The following PTPRO variants were observed in gnomAD, a reference collection of about 807,000 sequenced individuals.
The protein encoded by PTPRO is protein tyrosine phosphatase receptor type O, also known as receptor-type tyrosine-protein phosphatase O.
PTPRO carries 62 observed loss-of-function variants against 145.2 expected under a neutral mutation model. That is an observed-to-expected ratio of 0.43 (90% CI 0.35 to 0.53). The LOEUF (loss-of-function observed/expected upper bound fraction) is 0.53, where lower values mean the gene tolerates loss of function less well. PTPRO is among the 20% of genes least tolerant of loss of function. PTPRO has a pLI of 0.01. For synonymous variants in PTPRO, 565 were observed against 514.7 expected (o/e 1.10, Z -1.32); for missense variants, 1,345 against 1,482.7 (o/e 0.91, Z 1.53).
At chr12:15,490,226 T>C (rs1176415434) in intron 2 of PTPRO, among the ~76,000 whole-genome samples, 1 of 152,228 alleles carries the variant, frequency 6.6e-6, no homozygotes, top group Non-Finnish European at 1.5e-5. Context: ...ATCATATGTA[T>C]AGCCTTAGGC....
At chr12:15,586,824 A>C in intron 23 of PTPRO, 73 bp from the exon 24 acceptor site, 9 of 1,571,076 alleles carry the variant, frequency 5.7e-6, no homozygotes, top group Non-Finnish European at 7.9e-6. Context: ...TGCATGCTTA[A>C]CTAGCAGAGT....
At chr12:15,517,782 C>T (rs1942630051) in intron 9 of PTPRO, among the ~76,000 whole-genome samples, 1 of 152,214 alleles carries the variant, frequency 6.6e-6, no homozygotes, top group Non-Finnish European at 1.5e-5. Context: ...CATGCTGATG[C>T]AAGAGGTGGG....
intron 1 of PTPRO, among the ~76,000 whole-genome samples, chr12:15,477,627 C>G (rs1941685085): frequency 6.6e-6 from 1 of 152,082 alleles, no homozygotes; most frequent in African/African-American, 2.4e-5. Context: ...GGTATGGGGG[C>G]ATTAAGGAGG....
At chr12:15,400,732 G>T (rs1448257364) in intron 1 of PTPRO, among the ~76,000 whole-genome samples, 1 of 151,906 alleles carries the variant, frequency 6.6e-6, no homozygotes, top group Non-Finnish European at 1.5e-5. Flanking sequence ...TTTTACACTG[G>T]GTACTTTTCT....
chr12:15,485,372 C>T (rs1941863716), intron 2 of PTPRO, among the ~76,000 whole-genome samples: 1 of 152,082 alleles, frequency 6.6e-6, no homozygotes, highest in Non-Finnish European at 1.5e-5. Flanking sequence ...CTGTCTTAAA[C>T]AAGCTCTAGA....
At chr12:15,574,947 G>T (rs1251209652) in intron 19 of PTPRO, among the ~76,000 whole-genome samples, 2 of 152,142 alleles carry the variant, frequency 1.3e-5, no homozygotes, top group African/African-American at 4.8e-5. Flanking sequence ...GCAGGTTATG[G>T]GCTGAATATC....
intron 1 of PTPRO, among the ~76,000 whole-genome samples, chr12:15,341,303 T>A (rs991482622): frequency 3.3e-5 from 5 of 152,220 alleles, no homozygotes; most frequent in Non-Finnish European, 7.3e-5. Flanking sequence ...AAGCTAATGA[T>A]GCTTCTACAA....
At chr12:15,474,591 T>A (rs1157402184) in intron 1 of PTPRO, among the ~76,000 whole-genome samples, 1 of 152,224 alleles carries the variant, frequency 6.6e-6, no homozygotes. Context: ...ATCACTACAT[T>A]AAATTTGTTA....
intron 2 of PTPRO, among the ~76,000 whole-genome samples, chr12:15,484,726 T>A (rs1434814526): frequency 6.6e-6 from 1 of 152,106 alleles, no homozygotes; most frequent in East Asian, 1.9e-4. Flanking sequence ...ATTCCCCACC[T>A]CATCTTCAAA....
intron 1 of PTPRO, among the ~76,000 whole-genome samples, chr12:15,443,002 G>A (rs749866735): frequency 6.6e-6 from 1 of 151,954 alleles, no homozygotes; most frequent in African/African-American, 2.4e-5. Flanking sequence ...CCAAAAAAGA[G>A]CCCAAATAGT....
At chr12:15,340,794 A>T (rs1423985980) in intron 1 of PTPRO, among the ~76,000 whole-genome samples, 1 of 152,158 alleles carries the variant, frequency 6.6e-6, no homozygotes, top group Non-Finnish European at 1.5e-5. Flanking sequence ...GCTTTATGAG[A>T]CTTTTACACC....
At chr12:15,377,729 G>A (rs1223561531) in intron 1 of PTPRO, among the ~76,000 whole-genome samples, 1 of 152,006 alleles carries the variant, frequency 6.6e-6, no homozygotes, top group Non-Finnish European at 1.5e-5. Flanking sequence ...TTACAAGATA[G>A]ACAATATGCT....
rs1221350770 is a variant in PTPRO at position 15,508,579 on chromosome 12, G to A, written c.1276G>A (p.Gly426Arg). 1.2e-6 allele frequency: 2 copies of A among 1,614,034 alleles called. No homozygotes were observed. The highest frequency in any genetic ancestry group is 3.3e-5 in the Admixed American group (2 of 60,020). Residue 426 changes from glycine (G) to arginine (R), a missense_variant, in exon 7 of 27, where the codon GGA becomes AGA. By Grantham distance (125) the Gly-to-Arg change is moderately radical. Coordinates refer to ENST00000281171, the MANE Select transcript of PTPRO (RefSeq NM_030667.3). ...CAATTTGAAATGTGCAGGTCCTTCA[G>A]GAGAGTGGATTGAAGAACTGACCGA... ...KSLSFYISPS[G>R]EWIEELTEKP...
intron 1 of PTPRO, among the ~76,000 whole-genome samples, chr12:15,468,464 C>T (rs1485126513): frequency 6.6e-6 from 1 of 152,106 alleles, no homozygotes; most frequent in African/African-American, 2.4e-5. Flanking sequence ...TCTCCAGCAC[C>T]CAGGCCTTCA....
intron 17 of PTPRO, among the ~76,000 whole-genome samples, chr12:15,561,926 T>C (rs1454981140): frequency 6.6e-6 from 1 of 152,154 alleles, no homozygotes; most frequent in East Asian, 1.9e-4. Flanking sequence ...GCCTCATTGA[T>C]GAACATATGC....
chr12:15,322,630 C>T lies in PTPRO; in HGVS notation c.-97C>T. On this transcript the variant is annotated 5_prime_UTR_variant, in exon 1 of 27. Coordinates refer to ENST00000281171, the MANE Select transcript of PTPRO (RefSeq NM_030667.3). This position sits in a 1 kb window ranked among gnomAD's most constrained non-coding sequence, Gnocchi z 6.3. ...CGCTCGCCAGGAGCAACCTCGGCGC[C>T]CAGGGTCTGAGGCTGCAGCCCCAGT... 2 of 1,072,644 alleles carry T rather than the reference C, an allele frequency of 1.9e-6. No individual in the cohort carries two copies. The allele number at this position is 1,072,644 out of a possible 1,614,324, so 66.4% of individuals were successfully genotyped here. A position where few individuals can be genotyped will look rare whatever the true frequency, so the allele number is the denominator to read the frequency against.
At chr12:15,341,015 TA>T (rs1208363814) in intron 1 of PTPRO, among the ~76,000 whole-genome samples, 4 of 152,202 alleles carry the variant, frequency 2.6e-5, no homozygotes, top group Non-Finnish European at 5.9e-5. Flanking sequence ...TCAAGTTGCA[TA>T]AAAAATTACA....
At chr12:15,432,810 G>C (rs1940481793) in intron 1 of PTPRO, among the ~76,000 whole-genome samples, 1 of 152,112 alleles carries the variant, frequency 6.6e-6, no homozygotes, top group Non-Finnish European at 1.5e-5. Context: ...CTATAGAAAA[G>C]TGTTTGCTCA....
intron 6 of PTPRO, among the ~76,000 whole-genome samples, chr12:15,506,334 G>T (rs559263716): frequency 1.3e-5 from 2 of 152,240 alleles, no homozygotes; most frequent in Admixed American, 6.5e-5. Flanking sequence ...AGGAGGTCTG[G>T]GTTAGGTCAC....
Sources: allele counts gnomAD v4.1 joint callset (sites outside exome capture counted in the v4.1 genomes callset), GRCh38; gene constraint gnomAD v4.1.1; non-coding constraint Gnocchi (gnomAD v3.1); transcripts MANE v1.5; gene names NCBI Gene and HGNC (gene_info 2026-07-23, HGNC 2026-07-21).